The following NKAIN2 variants were observed in gnomAD, a reference collection of about 807,000 sequenced individuals.
NKAIN2 encodes the protein sodium/potassium-transporting ATPase subunit beta-1-interacting protein 2.
Under a neutral mutation model 32.6 loss-of-function variants are expected in NKAIN2, and 14 were observed. The ratio of observed to expected loss-of-function variants is 0.43; its 90% CI spans 0.28 to 0.67. The LOEUF (loss-of-function observed/expected upper bound fraction) is 0.67. Among genes scored for constraint, NKAIN2 ranks in the 30% least tolerant of loss-of-function variants. The pLI, the probability that NKAIN2 is intolerant of heterozygous loss-of-function variation, is 0.17. For missense variants in NKAIN2, 198 were observed against 258.3 expected (o/e 0.77, Z 1.60); for synonymous variants, 80 against 87.2 (o/e 0.92, Z 0.46).
At chr6:123,925,038 C>A (rs1034922699) in intron 1 of NKAIN2, among the ~76,000 whole-genome samples, 3 of 151,948 alleles carry the variant, frequency 2.0e-5, no homozygotes, top group African/African-American at 7.2e-5. Flanking sequence ...TACCAGAATA[C>A]AATATTTCAG....
rs73571429 is a variant in NKAIN2 at position 124,588,383 on chromosome 6, C to A, written c.274-69803C>A. Among the ~76,000 whole-genome samples the A allele has an allele frequency of 2.3e-3, 347 of 152,150 alleles. 1 individual carries two copies. The highest frequency in any genetic ancestry group is 8.0e-3 in the African/African-American group (331 of 41,514). The stretch of plus-strand genomic sequence containing the variant: ...AAAAAATATCCATGCACAACTAGAA[C>A]CTGAAAAAATTGACTGTAATAATTT... On this transcript the variant is annotated intron_variant, in intron 3 of 6. Transcript: ENST00000368417.
intron 3 of NKAIN2, among the ~76,000 whole-genome samples, chr6:124,557,505 A>T (rs1369882925): frequency 6.6e-6 from 1 of 152,240 alleles, no homozygotes; most frequent in East Asian, 1.9e-4. Flanking sequence ...AAAACAAAAA[A>T]AGTCCCTAAA....
chr6:124,674,827 G>A (rs1332913062), intron 4 of NKAIN2, among the ~76,000 whole-genome samples: 2 of 151,862 alleles, frequency 1.3e-5, no homozygotes, highest in East Asian at 3.9e-4. Context: ...CTTCTTTTCT[G>A]ATTTGGATAC....
intron 1 of NKAIN2, among the ~76,000 whole-genome samples, chr6:123,805,000 A>G (rs1269488559): frequency 6.6e-6 from 1 of 152,182 alleles, no homozygotes; most frequent in African/African-American, 2.4e-5. Context: ...GGAGAATTCT[A>G]TGTACTTTTT....
intron 1 of NKAIN2, among the ~76,000 whole-genome samples, chr6:124,111,421 CTTCTTGACGCA>C (rs981661967): frequency 6.6e-6 from 1 of 152,018 alleles, no homozygotes; most frequent in African/African-American, 2.4e-5. Flanking sequence ...ATGGCCCTAT[CTTCTTGACGCA>C]TTGACCCTTT....
intron 3 of NKAIN2, among the ~76,000 whole-genome samples, chr6:124,486,161 A>G (rs1777640650): frequency 6.6e-6 from 1 of 152,220 alleles, no homozygotes; most frequent in African/African-American, 2.4e-5. Context: ...ATGAAATAGA[A>G]TGAAACATAA....
intron 2 of NKAIN2, among the ~76,000 whole-genome samples, chr6:124,318,936 A>T (rs1562488083): frequency 6.6e-6 from 1 of 152,096 alleles, no homozygotes. Context: ...CTCCCTTTAG[A>T]ATTTATTCTT....
intron 3 of NKAIN2, among the ~76,000 whole-genome samples, chr6:124,582,235 G>A (rs1781550368): frequency 6.6e-6 from 1 of 152,062 alleles, no homozygotes; most frequent in South Asian, 2.1e-4. Flanking sequence ...ATCATTAGTA[G>A]CTCATTAGTA....
intron 1 of NKAIN2, among the ~76,000 whole-genome samples, chr6:123,897,271 G>T (rs545588347): frequency 2.6e-5 from 4 of 152,096 alleles, no homozygotes; most frequent in Middle Eastern, 3.4e-3. Context: ...TCATGACCTG[G>T]TCTCTGTTTG....
rs71541239 is a variant in NKAIN2, at chr6:123,970,110, GAT to G, written c.54+165871_54+165872del. Among the ~76,000 whole-genome samples, 419 of 149,118 alleles carry G rather than the reference GAT, an allele frequency of 2.8e-3. 1 individual carries two copies. The highest frequency in any genetic ancestry group is 6.4e-3 in the African/African-American group (263 of 40,780). On this transcript the variant is annotated intron_variant, in intron 1 of 6. Coordinates refer to ENST00000368417, the MANE Select transcript of NKAIN2 (RefSeq NM_001040214.3). The stretch of plus-strand genomic sequence containing the variant: ...CACACAAAATACTGATTATTAAATG[GAT>G]ATATATATATATATGTATAAATGTT...
intron 3 of NKAIN2, among the ~76,000 whole-genome samples, chr6:124,552,460 A>C (rs1038488039): frequency 6.6e-6 from 1 of 152,176 alleles, no homozygotes; most frequent in Non-Finnish European, 1.5e-5. Flanking sequence ...GCCAACTCTG[A>C]CCGTTTCTTT....
chr6:124,760,559 T>C (rs1246826166), intron 4 of NKAIN2, among the ~76,000 whole-genome samples: 2 of 151,994 alleles, frequency 1.3e-5, no homozygotes, highest in Non-Finnish European at 2.9e-5. Context: ...GGGAACTCAG[T>C]GTAGATAAGT....
intron 4 of NKAIN2, among the ~76,000 whole-genome samples, chr6:124,714,932 A>T (rs1236616465): frequency 6.6e-6 from 1 of 152,192 alleles, no homozygotes; most frequent in Non-Finnish European, 1.5e-5. Flanking sequence ...CAGTGATGGC[A>T]GTAGGCATTT....
intron 1 of NKAIN2, among the ~76,000 whole-genome samples, chr6:123,850,832 C>T (rs1346020191): frequency 2.0e-5 from 3 of 152,082 alleles, no homozygotes; most frequent in Admixed American, 6.6e-5. Context: ...TGAACTTAGT[C>T]CTCATAATGA....
intron 1 of NKAIN2, among the ~76,000 whole-genome samples, chr6:124,102,410 GGAAAACGAATAGTCTCATCTAA>G (rs1196397998): frequency 3.9e-5 from 6 of 152,160 alleles, no homozygotes; most frequent in Non-Finnish European, 7.4e-5. Context: ...AACTTATCTT[GGAAAACGAATAGTCTCATCTAA>G]AAGGTGAATT....
chr6:124,669,204 A>G (rs934522643), intron 4 of NKAIN2, among the ~76,000 whole-genome samples: 10 of 152,218 alleles, frequency 6.6e-5, no homozygotes, highest in Non-Finnish European at 1.0e-4. Context: ...AACCAATGGC[A>G]TTGTATTCTT....
At chr6:124,603,183 A>G (rs1199670415) in intron 3 of NKAIN2, among the ~76,000 whole-genome samples, 1 of 152,018 alleles carries the variant, frequency 6.6e-6, no homozygotes, top group Non-Finnish European at 1.5e-5. Flanking sequence ...CCAAAGCCAT[A>G]CAGCTTTTAT....
At chr6:124,751,823 T>TAAAA (rs1777736317) in intron 4 of NKAIN2, among the ~76,000 whole-genome samples, 1 of 149,454 alleles carries the variant, frequency 6.7e-6, no homozygotes, top group African/African-American at 2.5e-5. Context: ...AATAAATAAA[T>TAAAA]AAATAAATAA....
chr6:123,846,100 A>G (rs1480507973), intron 1 of NKAIN2, among the ~76,000 whole-genome samples: 4 of 152,126 alleles, frequency 2.6e-5, no homozygotes, highest in Non-Finnish European at 5.9e-5. Flanking sequence ...TTTTCTAACC[A>G]TGCAGGAGCT....
Sources: allele counts gnomAD v4.1 joint callset (sites outside exome capture counted in the v4.1 genomes callset), GRCh38; gene constraint gnomAD v4.1.1; transcripts MANE v1.5; gene names NCBI Gene and HGNC (gene_info 2026-07-23, HGNC 2026-07-21).